Variants in YEATS4 observed in about 807,000 individuals in gnomAD.
YEATS4 encodes the protein YEATS domain containing 4, also known as YEATS domain-containing protein 4.
YEATS4 carries 17 observed loss-of-function variants against 30.1 expected under a neutral mutation model. That is an observed-to-expected ratio of 0.56 (90% CI 0.39 to 0.85). The LOEUF (loss-of-function observed/expected upper bound fraction) is 0.85, where lower values mean the gene tolerates loss of function less well. YEATS4 is among the 40% of genes least tolerant of loss of function. YEATS4 has a pLI of 0.00. For missense variants in YEATS4, 142 were observed against 268.3 expected (o/e 0.53, Z 3.29); for synonymous variants, 85 against 87.5 (o/e 0.97, Z 0.16).
chr12:69,373,872 T>C (rs1435237985), intron 6 of YEATS4, among the ~76,000 whole-genome samples: 1 of 152,234 alleles, frequency 6.6e-6, no homozygotes, highest in Non-Finnish European at 1.5e-5. Context: ...CACTATTTAT[T>C]GAAGAGACCA....
chr12:69,364,819 C>T (rs1248817689), intron 2 of YEATS4, among the ~76,000 whole-genome samples: 1 of 152,016 alleles, frequency 6.6e-6, no homozygotes, highest in Non-Finnish European at 1.5e-5. Flanking sequence ...GGAGTTTCCC[C>T]ATGTTGGCCA....
chr12:69,405,868 C>T, the YEATS4 span, among the ~76,000 whole-genome samples: 19,103 of 152,244 alleles, frequency 0.13, 1,527 homozygotes, highest in East Asian at 0.38. Context: ...ACCGTGAATA[C>T]GGGAGGACCA....
the YEATS4 span, among the ~76,000 whole-genome samples, chr12:69,417,610 A>G: frequency 6.7e-4 from 102 of 152,264 alleles, no homozygotes; most frequent in Non-Finnish European, 1.2e-3. Context: ...AAGTCTAATT[A>G]TTTGTGTTCA....
chr12:69,362,271 G>A (rs1213718587), intron 1 of YEATS4, among the ~76,000 whole-genome samples: 1 of 152,036 alleles, frequency 6.6e-6, no homozygotes, highest in Non-Finnish European at 1.5e-5. Flanking sequence ...ACCCACCTTG[G>A]TGAAATTGTA....
At chr12:69,376,429 T>C (rs982357121) in intron 6 of YEATS4, among the ~76,000 whole-genome samples, 2 of 152,252 alleles carry the variant, frequency 1.3e-5, no homozygotes, top group Non-Finnish European at 2.9e-5. Flanking sequence ...TGACTTCTGC[T>C]GAATTTTATC....
intron 6 of YEATS4, among the ~76,000 whole-genome samples, chr12:69,380,542 A>C (rs954295184): frequency 6.6e-6 from 1 of 152,200 alleles, no homozygotes; most frequent in Non-Finnish European, 1.5e-5. Flanking sequence ...GGACTGCCTT[A>C]GGTCAGACTT....
intron 6 of YEATS4, among the ~76,000 whole-genome samples, chr12:69,379,353 A>G (rs1875982036): frequency 6.6e-6 from 1 of 151,022 alleles, no homozygotes; most frequent in Admixed American, 6.6e-5. Context: ...TAAACTTTCT[A>G]CTCCTCTCTC....
At position 69,368,509 on chromosome 12, in the gene YEATS4, G is replaced by T. The variant is rs565889824; in HGVS notation, c.334-2197G>T. On this transcript the variant is annotated intron_variant, in intron 4 of 6. Coordinates refer to ENST00000247843, the MANE Select transcript of YEATS4 (RefSeq NM_006530.4). The stretch of plus-strand genomic sequence containing the variant: ...GGAAGGACAGTTTTACAATGTAATT[G>T]TAAGAATTTCTTAATTGTAAAAGTC... Among the ~76,000 whole-genome samples, 4 of 152,290 alleles carry T rather than the reference G, an allele frequency of 2.6e-5. No homozygotes were observed. In the South Asian group the frequency reaches 8.3e-4, roughly 32 times the overall value.
chr12:69,372,582 T>G (rs1875689844), intron 6 of YEATS4, among the ~76,000 whole-genome samples: 1 of 144,904 alleles, frequency 6.9e-6, no homozygotes, highest in African/African-American at 2.6e-5. Flanking sequence ...TTGGCCTGGC[T>G]GGAGGGCAGT....
At chr12:69,410,311 C>T in the YEATS4 span, among the ~76,000 whole-genome samples, 30 of 152,260 alleles carry the variant, frequency 2.0e-4, 1 homozygote, top group Admixed American at 3.3e-4. Context: ...AATAGATTTG[C>T]CTTTTCTGGG....
intron 6 of YEATS4, among the ~76,000 whole-genome samples, chr12:69,386,613 G>A (rs1302279060): frequency 1.3e-5 from 2 of 152,046 alleles, no homozygotes; most frequent in Non-Finnish European, 2.9e-5. Context: ...CTAACAAAGC[G>A]CATATCATTC....
In YEATS4 at chr12:69,390,566, A is replaced by G; in HGVS notation, c.*250A>G. On this transcript the variant is annotated 3_prime_UTR_variant, in exon 7 of 7. Coordinates refer to ENST00000247843, the MANE Select transcript of YEATS4 (RefSeq NM_006530.4). ...AAGAAAATTCTATGATATTAAGCAC[A>G]GTTTTTAAAAATGTTTATTGTAGTA... is the stretch of plus-strand genomic sequence containing the variant. The G allele has an allele frequency of 4.2e-6, 1 of 239,014 alleles. No individual in the cohort carries two copies. The highest frequency in any genetic ancestry group is 8.0e-6 in the Non-Finnish European group (1 of 125,080). The allele number at this position is 239,014 out of a possible 1,614,324, so 14.8% of individuals were successfully genotyped here.
chr12:69,367,456 C>T (rs1875479569), intron 4 of YEATS4, among the ~76,000 whole-genome samples: 1 of 152,154 alleles, frequency 6.6e-6, no homozygotes, highest in South Asian at 2.1e-4. Context: ...CAGCCTCCAC[C>T]TCCTGGCCTC....
the YEATS4 span, among the ~76,000 whole-genome samples, chr12:69,397,317 A>G: frequency 6.6e-6 from 1 of 152,200 alleles, no homozygotes; most frequent in Non-Finnish European, 1.5e-5. Flanking sequence ...AGTAATTATA[A>G]TCATTAGGTT....
chr12:69,407,306 C>T, the YEATS4 span, among the ~76,000 whole-genome samples: 1 of 152,098 alleles, frequency 6.6e-6, no homozygotes, highest in Non-Finnish European at 1.5e-5. Flanking sequence ...CCATTTCCTC[C>T]TCTGAGGACT....
rs1592850786 is a variant in YEATS4, at chr12:69,370,131, C to T, written c.334-575C>T. ...CTAGATTTTATTTTGCTGAAATAAT[C>T]ACACATTGTGCTACAAAGCTTTTCC... On this transcript the variant is annotated intron_variant, in intron 4 of 6. Coordinates refer to ENST00000247843, the MANE Select transcript of YEATS4 (RefSeq NM_006530.4). Among the ~76,000 whole-genome samples, 5 of 152,318 alleles carry T rather than the reference C, an allele frequency of 3.3e-5. No individual in the cohort carries two copies. In the South Asian group the frequency reaches 8.3e-4, roughly 25 times the overall value.
At chr12:69,411,920 G>A in the YEATS4 span, among the ~76,000 whole-genome samples, 1 of 152,226 alleles carries the variant, frequency 6.6e-6, no homozygotes, top group Non-Finnish European at 1.5e-5. Context: ...CCACGTAGGG[G>A]TTTGGGGTTC....
intron 6 of YEATS4, among the ~76,000 whole-genome samples, chr12:69,371,389 C>CTGAATTTACTGAAACT (rs1875632280): frequency 6.6e-6 from 1 of 152,202 alleles, no homozygotes; most frequent in South Asian, 2.1e-4. Flanking sequence ...TGTCATTTTA[C>CTGAATTTACTGAAACT]ATAGTTTCAG....
the YEATS4 span, among the ~76,000 whole-genome samples, chr12:69,396,928 T>C: frequency 3.9e-5 from 6 of 152,202 alleles, no homozygotes; most frequent in Non-Finnish European, 7.4e-5. Context: ...AGTTTATAGT[T>C]AGGGGAAAAT....
Sources: gnomAD v4.1 joint callset for allele counts (sites outside exome capture counted in the v4.1 genomes callset) on GRCh38, gnomAD v4.1.1 for gene constraint, MANE v1.5 for transcripts, NCBI Gene and HGNC (gene_info 2026-07-23, HGNC 2026-07-21) for gene names.